DNAJC7: variants seen among roughly 807,000 people sequenced by gnomAD.
The protein encoded by DNAJC7 is dnaJ homolog subfamily C member 7.
In DNAJC7, 18 loss-of-function variants were observed where a neutral mutation model predicts 67.4. The ratio of observed to expected loss-of-function variants is 0.27; its 90% CI spans 0.18 to 0.40. DNAJC7 has a LOEUF of 0.40. Among genes scored for constraint, DNAJC7 ranks in the 10% least tolerant of loss-of-function variants. The pLI is 1.00. For missense variants in DNAJC7, 419 were observed against 613.8 expected (o/e 0.68, Z 3.35); for synonymous variants, 220 against 207.8 (o/e 1.06, Z -0.50).
At chr17:41,999,974 A>C (rs1202673040) in intron 2 of DNAJC7, among the ~76,000 whole-genome samples, 2 of 149,206 alleles carry the variant, frequency 1.3e-5, no homozygotes, top group Non-Finnish European at 3.0e-5. Flanking sequence ...GCCCGCCACC[A>C]GGCCCAGCTA....
At chr17:41,985,160 C>T (rs782453855) in intron 9 of DNAJC7, 1 of 152,214 alleles carries the variant, frequency 6.6e-6, no homozygotes, top group Non-Finnish European at 1.5e-5. Context: ...CACAGATCCC[C>T]ACCAGCTTGG....
At chr17:41,977,089 G>A (rs2051104206) in intron 13 of DNAJC7, 172 bp downstream of exon 13, 1 of 732,202 alleles carries the variant, frequency 1.4e-6, no homozygotes, top group Non-Finnish European at 2.2e-6. Flanking sequence ...GGGGTGCCTG[G>A]GAACCTTCCT....
At chr17:42,002,759 G>A (rs4239268) in intron 1 of DNAJC7, among the ~76,000 whole-genome samples, 136,674 of 152,164 alleles carry the variant, frequency 0.9, 61,589 homozygotes, top group Admixed American at 0.94. Context: ...TTGAAAATTA[G>A]TCTGTACTAC....
intron 12 of DNAJC7, among the ~76,000 whole-genome samples, chr17:41,979,430 G>C (rs563968260): frequency 6.6e-6 from 1 of 151,930 alleles, no homozygotes; most frequent in Non-Finnish European, 1.5e-5. Flanking sequence ...CCAGCACTTT[G>C]GGAGGCCAAG....
At chr17:41,983,491 C>T in intron 10 of DNAJC7, 72 bp downstream of exon 10, 1 of 1,350,078 alleles carries the variant, frequency 7.4e-7, no homozygotes, top group South Asian at 1.3e-5. Flanking sequence ...CTGAATCAAA[C>T]TACCTTGTGT....
At chr17:41,992,872 A>T (rs1158846381) in intron 5 of DNAJC7, 4 of 152,212 alleles carry the variant, frequency 2.6e-5, no homozygotes, top group Admixed American at 2.6e-4. Context: ...CTGGCTCTGG[A>T]GTAGGCAAGA....
intron 2 of DNAJC7, among the ~76,000 whole-genome samples, chr17:41,999,991 G>T (rs1230278286): frequency 6.8e-6 from 1 of 146,880 alleles, no homozygotes; most frequent in Non-Finnish European, 1.5e-5. Flanking sequence ...GCTAATTTTT[G>T]TATTTTTAGT....
intron 9 of DNAJC7, chr17:41,985,852 G>C (rs531780923): frequency 6.6e-6 from 1 of 152,124 alleles, no homozygotes; most frequent in East Asian, 1.9e-4. Flanking sequence ...AGGGCATGCT[G>C]TCTCCCCTGT....
At chr17:41,985,263 T>C (rs1188907363) in intron 9 of DNAJC7, 1 of 152,176 alleles carries the variant, frequency 6.6e-6, no homozygotes, top group African/African-American at 2.4e-5. Context: ...TTTTGATTTA[T>C]GACTTTAAAA....
rs2051110744 is a variant in DNAJC7, at chr17:41,977,247, G to A, written c.1447+14C>T. On this transcript the variant is annotated intron_variant, in intron 13 of 13. Transcript: ENST00000457167. ...TGTGATCTGGGAACTCCCAAGAACAGCAGGCCCACCTACCTTCAAAGCTGA... is the reference window on the plus strand; with the variant it reads ...TGTGATCTGGGAACTCCCAAGAACAACAGGCCCACCTACCTTCAAAGCTGA... The A allele has an allele frequency of 1.3e-6, 2 of 1,575,320 alleles. No individual in the cohort carries two copies. Among genetic ancestry groups the A allele is most frequent in the Non-Finnish European group, 1.7e-6 (2 of 1,160,720 alleles).
intron 5 of DNAJC7, 96 bp from the exon 6 acceptor site, chr17:41,990,478 T>G (rs1252166464): frequency 2.0e-6 from 2 of 1,003,464 alleles, no homozygotes; most frequent in African/African-American, 3.2e-5. Flanking sequence ...CAAAACTCAA[T>G]GAGGTCTTTG....
intron 4 of DNAJC7, among the ~76,000 whole-genome samples, chr17:41,995,417 A>G (rs1318799286): frequency 6.6e-6 from 1 of 152,176 alleles, no homozygotes; most frequent in Non-Finnish European, 1.5e-5. Flanking sequence ...TTCTCACTGA[A>G]ATGCATCTAG....
At chr17:42,005,566 C>T (rs570742179) in intron 1 of DNAJC7, among the ~76,000 whole-genome samples, 1 of 152,266 alleles carries the variant, frequency 6.6e-6, no homozygotes, top group East Asian at 1.9e-4. Flanking sequence ...TGACATATCA[C>T]GTATTTGCAG....
intron 4 of DNAJC7, among the ~76,000 whole-genome samples, chr17:41,995,517 C>A (rs2051633764): frequency 6.6e-6 from 1 of 152,156 alleles, no homozygotes; most frequent in Non-Finnish European, 1.5e-5. Context: ...CGTATTTTTA[C>A]TGTACCTTTT....
chr17:41,995,832 G>A (rs2051641531), intron 4 of DNAJC7, among the ~76,000 whole-genome samples: 1 of 152,162 alleles, frequency 6.6e-6, no homozygotes, highest in Admixed American at 6.5e-5. Flanking sequence ...TTTTGAGACA[G>A]GTTCTTGCTC....
rs539986383 is a variant in DNAJC7 at position 41,983,454 on chromosome 17, A to G, written c.1084+109T>C. On this transcript the variant is annotated intron_variant, in intron 10 of 13. Coordinates refer to ENST00000457167, the MANE Select transcript of DNAJC7 (RefSeq NM_003315.4). The stretch of plus-strand genomic sequence containing the variant: ...TTCACTTCTTTCTGGCTGGTGATCA[A>G]ATAAGTTCTAGGTAGATCCCTGATC... The G allele has an allele frequency of 5.0e-6, 5 of 990,304 alleles. No individual in the cohort carries two copies. The African/African-American group carries it at 6.6e-5, about 13-fold the overall frequency. 61.3% of individuals were successfully genotyped at this position (990,304 alleles called of 1,614,324 possible).
intron 12 of DNAJC7, 113 bp from the exon 13 acceptor site, chr17:41,977,436 A>G: frequency 1.1e-6 from 1 of 952,184 alleles, no homozygotes; most frequent in Non-Finnish European, 1.6e-6. Flanking sequence ...GGAGAGTCTC[A>G]CTCCCCTCCT....
At position 41,983,477 on chromosome 17, in the gene DNAJC7, A is replaced by T. The variant is rs115663805; in HGVS notation, c.1084+86T>A. 7.9e-5 allele frequency: 96 copies of T among 1,217,476 alleles called. No homozygotes were observed. The African/African-American group carries it at 1.3e-3, about 17-fold the overall frequency. 75.4% of individuals were successfully genotyped at this position (1,217,476 alleles called of 1,614,324 possible). On this transcript the variant is annotated intron_variant, in intron 10 of 13. Coordinates refer to ENST00000457167, the MANE Select transcript of DNAJC7 (RefSeq NM_003315.4). ...CAAATAAGTTCTAGGTAGATCCCTG[A>T]TCCCTGAATCAAACTACCTTGTGTA...
At chr17:41,978,685 C>T (rs961719652) in intron 12 of DNAJC7, among the ~76,000 whole-genome samples, 7 of 152,038 alleles carry the variant, frequency 4.6e-5, no homozygotes, top group South Asian at 2.1e-4. Context: ...AAGTGAAACC[C>T]CGTCTCTACT....
Sources: gnomAD v4.1 joint callset for allele counts (sites outside exome capture counted in the v4.1 genomes callset) on GRCh38, gnomAD v4.1.1 for gene constraint, MANE v1.5 for transcripts, NCBI Gene and HGNC (gene_info 2026-07-23, HGNC 2026-07-21) for gene names.